SPOCK1: variants seen among roughly 807,000 people sequenced by gnomAD.
The protein encoded by SPOCK1 is testican-1.
In SPOCK1, 23 loss-of-function variants were observed where a neutral mutation model predicts 55.3. That is an observed-to-expected ratio of 0.42 (90% confidence interval 0.30 to 0.59). SPOCK1 has a LOEUF of 0.59. SPOCK1 is among the 20% of genes least tolerant of loss of function. The pLI is 0.22. For missense variants in SPOCK1, 499 were observed against 552.5 expected (o/e 0.90, Z 0.97); for synonymous variants, 226 against 221.0 (o/e 1.02, Z -0.20).
intron 5 of SPOCK1, among the ~76,000 whole-genome samples, chr5:137,105,643 A>G (rs1753349255): frequency 6.6e-6 from 1 of 152,236 alleles, no homozygotes; most frequent in Non-Finnish European, 1.5e-5. Context: ...GGAAACTATT[A>G]AGATGCCTCT....
intron 2 of SPOCK1, among the ~76,000 whole-genome samples, chr5:137,355,715 T>C (rs1462632480): frequency 6.6e-6 from 1 of 152,100 alleles, no homozygotes; most frequent in African/African-American, 2.4e-5. Context: ...TCCAGATGTT[T>C]TCCACAACAC....
chr5:137,071,081 G>T (rs1353499395), intron 5 of SPOCK1, among the ~76,000 whole-genome samples: 2 of 150,556 alleles, frequency 1.3e-5, no homozygotes, highest in Non-Finnish European at 2.9e-5. Context: ...AGAGTGCAGT[G>T]GCATAATCAT....
intron 6 of SPOCK1, among the ~76,000 whole-genome samples, chr5:137,019,621 A>G (rs1357683145): frequency 6.6e-6 from 1 of 152,046 alleles, no homozygotes; most frequent in Non-Finnish European, 1.5e-5. Flanking sequence ...AATGATTGCT[A>G]TTTGCCAAGA....
intron 5 of SPOCK1, among the ~76,000 whole-genome samples, chr5:137,096,054 A>G (rs1753139854): frequency 6.6e-6 from 1 of 152,136 alleles, no homozygotes; most frequent in African/African-American, 2.4e-5. Context: ...ATTTTGGGAG[A>G]CTGACAGCAC....
chr5:137,438,951 T>C (rs141798654), intron 2 of SPOCK1, among the ~76,000 whole-genome samples: 12 of 152,242 alleles, frequency 7.9e-5, no homozygotes, highest in African/African-American at 2.9e-4. Context: ...ACTCAACACG[T>C]GACTTAAGAG....
intron 6 of SPOCK1, among the ~76,000 whole-genome samples, chr5:136,996,674 C>A (rs777888880): frequency 1.6e-4 from 24 of 152,108 alleles, no homozygotes; most frequent in Admixed American, 3.9e-4. Flanking sequence ...ATAAAATGCA[C>A]CAATCAGTGC....
At chr5:137,438,961 G>A (rs1252831529) in intron 2 of SPOCK1, among the ~76,000 whole-genome samples, 1 of 152,222 alleles carries the variant, frequency 6.6e-6, no homozygotes, top group Non-Finnish European at 1.5e-5. Context: ...TGACTTAAGA[G>A]GGTGCAATGC....
intron 3 of SPOCK1, among the ~76,000 whole-genome samples, chr5:137,182,826 C>G: frequency 6.6e-6 from 1 of 152,220 alleles, no homozygotes; most frequent in East Asian, 1.9e-4. Flanking sequence ...AGCTGAAACT[C>G]TCCTCCCCTC....
chr5:137,245,926 G>A lies in SPOCK1; in HGVS notation c.232+21084C>T, dbSNP rs138273661. Among the ~76,000 whole-genome samples, 4 of 152,296 alleles carry A rather than the reference G, an allele frequency of 2.6e-5. No individual in the cohort carries two copies. In the East Asian group the frequency reaches 7.7e-4, roughly 29 times the overall value. ...CCAGCAAGAAAGATATCTACCTAAT[G>A]TTTAAACTAATGTTGTCCCAGCTTC... is the stretch of plus-strand genomic sequence containing the variant. On this transcript the variant is annotated intron_variant, in intron 3 of 10. Transcript: ENST00000394945.
intron 2 of SPOCK1, among the ~76,000 whole-genome samples, chr5:137,444,758 AG>A (rs750367077): frequency 3.9e-5 from 6 of 152,208 alleles, no homozygotes; most frequent in Non-Finnish European, 8.8e-5. Context: ...GTGTGCACGC[AG>A]GGCTATAGCC....
intron 2 of SPOCK1, among the ~76,000 whole-genome samples, chr5:137,473,964 A>C (rs917479327): frequency 6.6e-6 from 1 of 152,230 alleles, no homozygotes; most frequent in Non-Finnish European, 1.5e-5. Flanking sequence ...ATTGGAGACT[A>C]TTATTCTAAG....
chr5:136,994,149 G>A (rs1159382311), intron 6 of SPOCK1, among the ~76,000 whole-genome samples: 1 of 152,138 alleles, frequency 6.6e-6, no homozygotes, highest in Non-Finnish European at 1.5e-5. Context: ...TTCTGTCCAG[G>A]TAGGATCCAG....
At chr5:137,367,888 T>C (rs992728615) in intron 2 of SPOCK1, among the ~76,000 whole-genome samples, 21 of 152,232 alleles carry the variant, frequency 1.4e-4, no homozygotes, top group Non-Finnish European at 2.8e-4. Flanking sequence ...AAAAGGGCTG[T>C]AGCCAAGGCG....
intron 2 of SPOCK1, among the ~76,000 whole-genome samples, chr5:137,406,425 A>C (rs894081725): frequency 1.3e-5 from 2 of 152,234 alleles, no homozygotes; most frequent in African/African-American, 4.8e-5. Flanking sequence ...GGGTCTGGGC[A>C]GAACACCAAT....
At chr5:137,206,491 G>A (rs1035402032) in intron 3 of SPOCK1, among the ~76,000 whole-genome samples, 1 of 152,238 alleles carries the variant, frequency 6.6e-6, no homozygotes, top group African/African-American at 2.4e-5. Context: ...CTGAATGGGA[G>A]AAGCCAGGGC....
At chr5:137,333,461 T>C (rs1314855857) in intron 2 of SPOCK1, among the ~76,000 whole-genome samples, 3 of 152,212 alleles carry the variant, frequency 2.0e-5, no homozygotes, top group Non-Finnish European at 2.9e-5. Flanking sequence ...GACCCCCATG[T>C]TGGCCACCAC....
intron 9 of SPOCK1, among the ~76,000 whole-genome samples, chr5:136,983,701 C>CTGAT (rs1345738575): frequency 6.6e-6 from 1 of 151,442 alleles, no homozygotes; most frequent in Non-Finnish European, 1.5e-5. Flanking sequence ...ATAATTATAG[C>CTGAT]TGATAATAAT....
Position 137,025,880 on chromosome 5 carries a change from T to C in SPOCK1, c.590-33280A>G, listed in dbSNP as rs551598848. 9.4e-4 allele frequency among the ~76,000 whole-genome samples: 143 copies of C among 152,276 alleles called. 2 individuals carry two copies. Among genetic ancestry groups the C allele is most frequent in the African/African-American group, 3.3e-3 (139 of 41,546 alleles). Reference sequence around the variant, plus strand: ...TGATATTTCCAGTCCATCATGAGCCTCCTTCTAGCTGCAGGAAGGAGAAGA... The same window carrying C: ...TGATATTTCCAGTCCATCATGAGCCCCCTTCTAGCTGCAGGAAGGAGAAGA... On this transcript the variant is annotated intron_variant, in intron 6 of 10. Coordinates refer to ENST00000394945, the MANE Select transcript of SPOCK1 (RefSeq NM_004598.4).
At chr5:137,061,628 C>T (rs1286301891) in intron 6 of SPOCK1, among the ~76,000 whole-genome samples, 1 of 152,152 alleles carries the variant, frequency 6.6e-6, no homozygotes, top group African/African-American at 2.4e-5. Flanking sequence ...AGTTCCACAG[C>T]CTTCTCCATA....
Sources: allele counts gnomAD v4.1 joint callset (sites outside exome capture counted in the v4.1 genomes callset), GRCh38; gene constraint gnomAD v4.1.1; transcripts MANE v1.5; gene names NCBI Gene and HGNC (gene_info 2026-07-23, HGNC 2026-07-21).